Variants in SCN11A observed in about 807,000 individuals in gnomAD.
SCN11A encodes sodium voltage-gated channel alpha subunit 11.
Under a neutral mutation model 162.2 loss-of-function variants are expected in SCN11A, and 122 were observed. The observed-to-expected ratio is 0.75, with a 90% confidence interval of 0.65 to 0.87. The LOEUF (loss-of-function observed/expected upper bound fraction) is 0.87. Ranked by LOEUF, SCN11A falls within the 40% of genes least tolerant of loss-of-function variation. SCN11A has a pLI of 0.00. For missense variants in SCN11A, 2,015 were observed against 2,181.6 expected (o/e 0.92, Z 1.52); for synonymous variants, 758 against 751.5 (o/e 1.01, Z -0.14).
chr3:38,869,055 A>G (rs1403744780), intron 26 of SCN11A, among the ~76,000 whole-genome samples: 1 of 152,158 alleles, frequency 6.6e-6, no homozygotes, highest in Non-Finnish European at 1.5e-5. Context: ...AACAACCACA[A>G]CTTCAATATT....
intron 3 of SCN11A, among the ~76,000 whole-genome samples, chr3:38,959,259 A>T (rs980829905): frequency 3.9e-5 from 6 of 152,228 alleles, no homozygotes; most frequent in Non-Finnish European, 8.8e-5. Context: ...CATTTTGCAG[A>T]AGACATTAGG....
chr3:39,035,957 G>T (rs1164671787), intron 1 of SCN11A, among the ~76,000 whole-genome samples: 1 of 152,086 alleles, frequency 6.6e-6, no homozygotes, highest in Non-Finnish European at 1.5e-5. Flanking sequence ...GTTTTGACTT[G>T]CTACATTTCT....
In SCN11A at chr3:38,946,890, G is replaced by A; in HGVS notation, c.285C>T (p.Asn95=). The A allele has an allele frequency of 6.2e-7, 1 of 1,609,882 alleles. No individual in the cohort carries two copies. Among genetic ancestry groups the A allele is most frequent in the Non-Finnish European group, 8.5e-7 (1 of 1,177,672 alleles). Reference sequence around the variant, plus strand: ...TGAAGCGGTAGATTGTCCTCTTTCTGTTTAACACCATAAATGTCTGCAAAA... The same window carrying A: ...TGAAGCGGTAGATTGTCCTCTTTCTATTTAACACCATAAATGTCTGCAAAA... ...YRNHKTFMVL[N]RKRTIYRFSA... is the part of the protein sequence containing the mutation. Residue 95 remains asparagine, a synonymous_variant, in exon 6 of 30, where the codon AAC becomes AAT. Coordinates refer to ENST00000302328, the MANE Select transcript of SCN11A (RefSeq NM_001349253.2).
intron 2 of SCN11A, among the ~76,000 whole-genome samples, chr3:38,971,107 T>C (rs2066814163): frequency 6.6e-6 from 1 of 152,112 alleles, no homozygotes; most frequent in Non-Finnish European, 1.5e-5. Flanking sequence ...CAGCTGTGCA[T>C]TCACACTCAC....
At chr3:39,019,379 C>T (rs2031384323) in intron 2 of SCN11A, among the ~76,000 whole-genome samples, 1 of 152,156 alleles carries the variant, frequency 6.6e-6, no homozygotes, top group East Asian at 1.9e-4. Context: ...ACTACTACCC[C>T]TTTCCCCAAA....
intron 23 of SCN11A, among the ~76,000 whole-genome samples, chr3:38,879,432 G>A (rs1384704863): frequency 6.6e-6 from 1 of 152,132 alleles, no homozygotes; most frequent in Non-Finnish European, 1.5e-5. Flanking sequence ...CTGAGCTTCA[G>A]GTTTCCTTGT....
intron 2 of SCN11A, among the ~76,000 whole-genome samples, chr3:39,015,865 T>C (rs1032381339): frequency 6.6e-6 from 1 of 152,080 alleles, no homozygotes; most frequent in Non-Finnish European, 1.5e-5. Context: ...GCCTCCCAAG[T>C]AGCTGGGATT....
intron 28 of SCN11A, among the ~76,000 whole-genome samples, chr3:38,857,394 G>A (rs2064887706): frequency 6.6e-6 from 1 of 152,002 alleles, no homozygotes; most frequent in African/African-American, 2.4e-5. Flanking sequence ...ACTAGGACAA[G>A]TAGAAGAACT....
At chr3:38,894,489 T>C in intron 19 of SCN11A, 44 bp downstream of exon 19, 1 of 1,491,700 alleles carries the variant, frequency 6.7e-7, no homozygotes, top group Non-Finnish European at 9.1e-7. Flanking sequence ...CTGTGATAAC[T>C]CCAGCTTTGT....
chr3:38,989,144 T>C (rs2125593571), intron 2 of SCN11A, among the ~76,000 whole-genome samples: 1 of 152,304 alleles, frequency 6.6e-6, no homozygotes, highest in East Asian at 1.9e-4. Flanking sequence ...CCAGACATCC[T>C]GAGACTGCGA....
chr3:39,030,913 G>C (rs1236309341), intron 2 of SCN11A, among the ~76,000 whole-genome samples: 1 of 152,192 alleles, frequency 6.6e-6, no homozygotes, highest in African/African-American at 2.4e-5. Flanking sequence ...CATCAGTAGG[G>C]ATTAAGTGTT....
Position 38,896,878 on chromosome 3 carries a change from G to C in SCN11A, c.2370C>G (p.Val790=). The C allele has an allele frequency of 6.3e-7, 1 of 1,592,456 alleles. No homozygotes were observed. Among genetic ancestry groups the C allele is most frequent in the Non-Finnish European group, 8.6e-7 (1 of 1,168,704 alleles). The stretch of plus-strand genomic sequence containing the variant: ...TTCCTATCACCGTGATCAATATGAA[G>C]ACAATAACACACAATGATGATGATG... The part of the protein sequence containing the change: ...ANASSSLCVI[V]FILITVIGKL... Residue 790 remains valine, a synonymous_variant, in exon 18 of 30, where the codon GTC becomes GTG. Transcript: ENST00000302328.
chr3:38,986,995 A>G (rs1022831442), intron 2 of SCN11A, among the ~76,000 whole-genome samples: 1 of 152,136 alleles, frequency 6.6e-6, no homozygotes, highest in Non-Finnish European at 1.5e-5. Flanking sequence ...GGACAACTAC[A>G]GCAAGACCAG....
chr3:38,959,724 C>T (rs145224217), intron 3 of SCN11A, among the ~76,000 whole-genome samples: 6 of 152,222 alleles, frequency 3.9e-5, no homozygotes, highest in East Asian at 3.9e-4. Context: ...TATTTATTAA[C>T]GTAAGTTACA....
chr3:39,022,279 G>T (rs1286294496), intron 2 of SCN11A, among the ~76,000 whole-genome samples: 1 of 152,136 alleles, frequency 6.6e-6, no homozygotes. Flanking sequence ...AAATATTCAT[G>T]ACTTTTCCTA....
intron 1 of SCN11A, among the ~76,000 whole-genome samples, chr3:39,040,673 C>T (rs1329497586): frequency 6.6e-6 from 1 of 152,104 alleles, no homozygotes; most frequent in Admixed American, 6.5e-5. Flanking sequence ...AACAAAGAAA[C>T]ATATATTATT....
At chr3:38,974,121 A>G (rs1317512159) in intron 2 of SCN11A, among the ~76,000 whole-genome samples, 1 of 152,260 alleles carries the variant, frequency 6.6e-6, no homozygotes, top group Non-Finnish European at 1.5e-5. Flanking sequence ...TAGAAAATGT[A>G]AAAACTAATA....
chr3:38,986,354 CA>C (rs1026681706), intron 2 of SCN11A, among the ~76,000 whole-genome samples: 7 of 141,946 alleles, frequency 4.9e-5, no homozygotes, highest in Non-Finnish European at 1.0e-4. Context: ...CAGAGAGATA[CA>C]AATGGATCAA....
At chr3:38,949,332 A>G (rs2066565061) in intron 5 of SCN11A, among the ~76,000 whole-genome samples, 1 of 152,134 alleles carries the variant, frequency 6.6e-6, no homozygotes, top group Admixed American at 6.5e-5. Flanking sequence ...ACATTCCCTC[A>G]CTCGGGAGCC....
Sources: allele counts gnomAD v4.1 joint callset (sites outside exome capture counted in the v4.1 genomes callset), GRCh38; gene constraint gnomAD v4.1.1; transcripts MANE v1.5; gene names NCBI Gene and HGNC (gene_info 2026-07-23, HGNC 2026-07-21).